KIDINS220: variants seen among roughly 807,000 people sequenced by gnomAD.
KIDINS220 encodes kinase D-interacting substrate of 220 kDa.
Under a neutral mutation model 157.6 loss-of-function variants are expected in KIDINS220, and 63 were observed. The observed-to-expected ratio is 0.40, with a 90% CI of 0.33 to 0.49. The LOEUF (loss-of-function observed/expected upper bound fraction) is 0.49, where lower values mean the gene tolerates loss of function less well. Among genes scored for constraint, KIDINS220 ranks in the 20% least tolerant of loss-of-function variants. The pLI is 0.66. For missense variants in KIDINS220, 1,772 were observed against 2,171.2 expected, an observed-to-expected ratio of 0.82 and a Z score of 3.65; for synonymous variants, 732 against 783.6, an observed-to-expected ratio of 0.93 and a Z score of 1.10.
At position 8,813,341 on chromosome 2, in the gene KIDINS220, CA is replaced by C; in HGVS notation, c.307-7del. The C allele has an allele frequency of 1.3e-6, 2 of 1,595,198 alleles. No homozygotes were observed. The highest frequency in any genetic ancestry group is 1.7e-6 in the Non-Finnish European group (2 of 1,169,836). ...ATAAGAGCTGTCCATCCTCCCTAAA[CA>C]AAAAATGTAGGGGTAAGGGAATCAA... On this transcript the variant is annotated splice_region_variant and splice_polypyrimidine_tract_variant and intron_variant, in intron 4 of 29. Transcript: ENST00000256707.
At chr2:8,775,456 T>C (rs1670838764) in intron 21 of KIDINS220, among the ~76,000 whole-genome samples, 1 of 152,136 alleles carries the variant, frequency 6.6e-6, no homozygotes, top group Non-Finnish European at 1.5e-5. Context: ...ATCCAGTCGG[T>C]GTGGCATTCT....
intron 2 of KIDINS220, 90 bp downstream of exon 2, chr2:8,826,896 C>A (rs769716565): frequency 2.9e-5 from 19 of 648,688 alleles, no homozygotes; most frequent in Admixed American, 2.5e-4. Context: ...AGGGTTAGAA[C>A]TACCTATTTC....
chr2:8,817,942 G>T (rs770625672), intron 3 of KIDINS220, among the ~76,000 whole-genome samples: 1 of 152,138 alleles, frequency 6.6e-6, no homozygotes, highest in South Asian at 2.1e-4. Flanking sequence ...TGCTTGTTCA[G>T]TCTACTCACT....
downstream of KIDINS220, chr2:8,727,136 T>C: frequency 2.7e-6 from 3 of 1,129,326 alleles, no homozygotes; most frequent in Non-Finnish European, 3.4e-6. Flanking sequence ...TAGGGAAGGA[T>C]AGGGAGTACC....
chr2:8,753,976 G>T (rs1019005283), intron 22 of KIDINS220, among the ~76,000 whole-genome samples: 37 of 152,154 alleles, frequency 2.4e-4, no homozygotes, highest in African/African-American at 5.6e-4. Flanking sequence ...CATTAAAATC[G>T]TGTTCAAACT....
At chr2:8,784,207 AGAAGCAAG>A (rs1285422508) in intron 17 of KIDINS220, among the ~76,000 whole-genome samples, 2 of 152,080 alleles carry the variant, frequency 1.3e-5, no homozygotes, top group African/African-American at 4.8e-5. Context: ...AAAAAAGAAA[AGAAGCAAG>A]GAAGCAAGAA....
rs1670084884 is a variant in KIDINS220, at chr2:8,770,649, CA to C, written c.3011+20del. On this transcript the variant is annotated intron_variant, in intron 22 of 29. Transcript: ENST00000256707. ...ACTCAACCTAAAATAAAGTAAAATA[CA>C]AAGAGGTCACAAAAGGTACCTTTCG... The C allele has an allele frequency of 8.1e-7, 1 of 1,229,824 alleles. No homozygotes were observed. Among genetic ancestry groups the C allele is most frequent in the African/African-American group, 1.7e-5 (1 of 59,590 alleles). 76.2% of individuals were successfully genotyped at this position (1,229,824 alleles called of 1,614,324 possible). A position where few individuals can be genotyped will look rare whatever the true frequency, so the allele number is the denominator to read the frequency against.
chr2:8,782,770 A>T (rs537351975), intron 17 of KIDINS220, among the ~76,000 whole-genome samples: 1 of 152,304 alleles, frequency 6.6e-6, no homozygotes, highest in African/African-American at 2.4e-5. Context: ...GATGCAAAAA[A>T]CCTCAACAAA....
chr2:8,786,206 C>T lies in KIDINS220; in HGVS notation c.1939G>A (p.Gly647Ser), dbSNP rs1162197889. The change falls in exon 16 of 30, where the codon GGT (glycine) becomes AGT (serine). Residue 647 changes from glycine (G) to serine (S), a missense_variant and splice_region_variant. Physicochemically the swap from Gly to Ser is moderately conservative, Grantham distance 56. This residue lies in a region of KIDINS220 where 725 missense variants were observed against 1,017.1 expected (regional missense o/e 0.71). Coordinates refer to ENST00000256707, the MANE Select transcript of KIDINS220 (RefSeq NM_020738.4). Reference protein sequence around the residue: ...FRVFKTEDTQGKKKWKKTCCL... With the variant: ...FRVFKTEDTQSKKKWKKTCCL... ...AAAGAAGGAAGGAAGGAAATCCTACCCTGAGTATCTTCAGTCTTGAATACT... is the reference window on the plus strand; with the variant it reads ...AAAGAAGGAAGGAAGGAAATCCTACTCTGAGTATCTTCAGTCTTGAATACT... 3 of 1,614,030 alleles carry T rather than the reference C, an allele frequency of 1.9e-6. No homozygotes were observed. Among genetic ancestry groups the T allele is most frequent in the Non-Finnish European group, 2.5e-6 (3 of 1,179,978 alleles).
intron 1 of KIDINS220, among the ~76,000 whole-genome samples, chr2:8,832,027 G>A (rs184822963): frequency 1.1e-4 from 17 of 152,200 alleles, no homozygotes; most frequent in East Asian, 9.7e-4. Flanking sequence ...TTGCCTTTTC[G>A]TTAAGATTTT....
Position 8,796,843 on chromosome 2 carries a change from A to T in KIDINS220, c.1026T>A (p.Ala342=). 6.2e-7 allele frequency: 1 copy of T among 1,614,178 alleles called. No individual in the cohort carries two copies. The highest frequency in any genetic ancestry group is 8.5e-7 in the Non-Finnish European group (1 of 1,180,014). ...TKDGETPLIK[A]TKMRNIEVVE... is the part of the protein sequence containing the mutation. ...CCACTTCAATGTTTCTCATCTTGGT[A>T]GCCTTTATAAGTGGCGTTTCACCAT... is the stretch of plus-strand genomic sequence containing the variant. Residue 342 remains alanine (A), a synonymous_variant, in exon 11 of 30, where the codon GCT becomes GCA. Coordinates refer to ENST00000256707, the MANE Select transcript of KIDINS220 (RefSeq NM_020738.4).
At chr2:8,792,762 A>G (rs1178486661) in intron 12 of KIDINS220, among the ~76,000 whole-genome samples, 2 of 152,164 alleles carry the variant, frequency 1.3e-5, no homozygotes, top group African/African-American at 4.8e-5. Context: ...ACTTCTGGGA[A>G]TTTACCCTAA....
chr2:8,789,241 GCATAC>G lies in KIDINS220; in HGVS notation c.1622-434_1622-430del, dbSNP rs1475610676. On this transcript the variant is annotated intron_variant, in intron 14 of 29. Coordinates refer to ENST00000256707, the MANE Select transcript of KIDINS220 (RefSeq NM_020738.4). The stretch of plus-strand genomic sequence containing the variant: ...ACAGACATGGTCAAAATGCTCAAGA[GCATAC>G]CAATGATGGCTTTGAAGCCTTCTTT... Among the ~76,000 whole-genome samples, 7 of 151,146 alleles carry G rather than the reference GCATAC, an allele frequency of 4.6e-5. 1 individual carries two copies. The highest frequency in any genetic ancestry group is 1.7e-4 in the African/African-American group (7 of 41,172).
chr2:8,831,822 G>A (rs1679665914), intron 1 of KIDINS220, among the ~76,000 whole-genome samples: 1 of 152,180 alleles, frequency 6.6e-6, no homozygotes, highest in Non-Finnish European at 1.5e-5. Flanking sequence ...TTCAAAGAAT[G>A]CCAACATCAA....
intron 2 of KIDINS220, chr2:8,825,604 T>G (rs576291276): frequency 6.6e-6 from 1 of 152,066 alleles, no homozygotes; most frequent in Non-Finnish European, 1.5e-5. Context: ...CATACACATA[T>G]AGTGTAAAAT....
At chr2:8,815,663 C>T (rs767900489) in intron 4 of KIDINS220, among the ~76,000 whole-genome samples, 4 of 152,110 alleles carry the variant, frequency 2.6e-5, no homozygotes, top group South Asian at 2.1e-4. Flanking sequence ...AGCGAGACTC[C>T]GTCTCAGGGG....
At chr2:8,737,093 C>A in intron 26 of KIDINS220, 94 bp from the exon 27 acceptor site, 1 of 1,216,444 alleles carries the variant, frequency 8.2e-7, no homozygotes, top group Non-Finnish European at 1.1e-6. Context: ...TAAGTTATAC[C>A]ATGAAGTAAA....
intron 8 of KIDINS220, among the ~76,000 whole-genome samples, chr2:8,802,219 T>C (rs1674822641): frequency 6.6e-6 from 1 of 152,118 alleles, no homozygotes; most frequent in South Asian, 2.1e-4. Context: ...CAACAGGAAG[T>C]CTTGGATGAC....
intron 14 of KIDINS220, 55 bp downstream of exon 14, chr2:8,789,821 TTATC>T: frequency 2.4e-6 from 3 of 1,266,668 alleles, no homozygotes; most frequent in Non-Finnish European, 3.3e-6. Flanking sequence ...TGTTTTTTCT[TTATC>T]TATGAATCTT....
Sources: allele counts gnomAD v4.1 joint callset (sites outside exome capture counted in the v4.1 genomes callset), GRCh38; gene constraint gnomAD v4.1.1; regional missense constraint gnomAD v4.1.1; transcripts MANE v1.5; gene names NCBI Gene and HGNC (gene_info 2026-07-23, HGNC 2026-07-21).